FHOD3: variants seen among roughly 807,000 people sequenced by gnomAD.
FHOD3 encodes FH1/FH2 domain-containing protein 3.
Under a neutral mutation model 173.0 loss-of-function variants are expected in FHOD3, and 90 were observed. The observed-to-expected ratio is 0.52, with a 90% CI of 0.44 to 0.62. FHOD3 has a LOEUF of 0.62. Ranked by LOEUF, FHOD3 falls within the 20% of genes least tolerant of loss-of-function variation. The probability of loss-of-function intolerance (pLI) is 0.00; values close to 1 mark genes in which losing one functional copy is unlikely to be tolerated. For missense variants in FHOD3, 1,945 were observed against 2,034.7 expected (o/e 0.96, Z 0.85); for synonymous variants, 828 against 823.0 (o/e 1.01, Z -0.10).
chr18:36,312,816 C>A (rs888028825), intron 1 of FHOD3, among the ~76,000 whole-genome samples: 2 of 152,188 alleles, frequency 1.3e-5, no homozygotes, highest in Admixed American at 1.3e-4. Flanking sequence ...GAATAAATCA[C>A]CCCAAACGTA....
intron 4 of FHOD3, among the ~76,000 whole-genome samples, chr18:36,508,718 G>C (rs539970174): frequency 6.6e-6 from 1 of 151,680 alleles, no homozygotes; most frequent in African/African-American, 2.4e-5. Flanking sequence ...TTAAGTTTCA[G>C]TATCTCACAT....
chr18:36,321,612 G>A (rs1407424098), intron 1 of FHOD3, among the ~76,000 whole-genome samples: 1 of 152,202 alleles, frequency 6.6e-6, no homozygotes, highest in Non-Finnish European at 1.5e-5. Context: ...CCCACCAAAT[G>A]CCAGTCACTG....
At chr18:36,775,199 G>A (rs1364940849) in intron 28 of FHOD3, among the ~76,000 whole-genome samples, 1 of 151,998 alleles carries the variant, frequency 6.6e-6, no homozygotes, top group South Asian at 2.1e-4. Context: ...AAAATCTTTG[G>A]GATCTTTGGG....
chr18:36,745,761 C>T (rs1198363287), intron 23 of FHOD3, among the ~76,000 whole-genome samples: 1 of 149,896 alleles, frequency 6.7e-6, no homozygotes, highest in African/African-American at 2.5e-5. Context: ...CCCGCCACAC[C>T]CTCCATGCAC....
chr18:36,776,877 C>T (rs2043695907), intron 28 of FHOD3, among the ~76,000 whole-genome samples: 2 of 152,148 alleles, frequency 1.3e-5, no homozygotes, highest in Non-Finnish European at 2.9e-5. Context: ...GAGCCTGTCC[C>T]AGATAGGCTG....
intron 25 of FHOD3, among the ~76,000 whole-genome samples, 154 bp downstream of exon 25, chr18:36,755,465 G>A (rs948706772): frequency 4.8e-5 from 6 of 124,864 alleles, no homozygotes; most frequent in African/African-American, 1.8e-4. Context: ...TGCTCTTAAA[G>A]TACTCCTCCA....
At chr18:36,631,648 G>T (rs1358699223) in intron 10 of FHOD3, among the ~76,000 whole-genome samples, 2 of 152,172 alleles carry the variant, frequency 1.3e-5, no homozygotes, top group Admixed American at 6.5e-5. Flanking sequence ...TGTGTGACAG[G>T]AGGGGAAGCT....
At chr18:36,607,340 C>T (rs2032193927) in intron 8 of FHOD3, among the ~76,000 whole-genome samples, 1 of 152,176 alleles carries the variant, frequency 6.6e-6, no homozygotes, top group Admixed American at 6.5e-5. Context: ...GCCAAAAAAT[C>T]CTGCACCAGA....
chr18:36,431,982 T>C (rs1271559664), intron 3 of FHOD3, among the ~76,000 whole-genome samples: 1 of 152,214 alleles, frequency 6.6e-6, no homozygotes, highest in Non-Finnish European at 1.5e-5. Flanking sequence ...TTCCATCACA[T>C]AGATATAAAG....
At chr18:36,661,572 A>C (rs2036805547) in intron 14 of FHOD3, among the ~76,000 whole-genome samples, 1 of 152,100 alleles carries the variant, frequency 6.6e-6, no homozygotes, top group South Asian at 2.1e-4. Context: ...AAACAAGACT[A>C]CTTCACTGAA....
At chr18:36,590,065 G>A (rs772743414) in intron 6 of FHOD3, among the ~76,000 whole-genome samples, 50 of 152,026 alleles carry the variant, frequency 3.3e-4, no homozygotes, top group African/African-American at 6.5e-4. Flanking sequence ...CACTCGCCTC[G>A]TTTGTGACAC....
At chr18:36,556,091 C>T (rs1040798260) in intron 5 of FHOD3, among the ~76,000 whole-genome samples, 1 of 151,970 alleles carries the variant, frequency 6.6e-6, no homozygotes. Flanking sequence ...TGCTGTTTGT[C>T]TCATCTGTAC....
chr18:36,709,731 A>C, intron 18 of FHOD3: 1 of 260,442 alleles, frequency 3.8e-6, no homozygotes, highest in Non-Finnish European at 7.3e-6. Context: ...TTCCATTGTG[A>C]ATAATAGTAA....
chr18:36,491,588 A>C (rs563319177), intron 3 of FHOD3, among the ~76,000 whole-genome samples: 2 of 152,182 alleles, frequency 1.3e-5, no homozygotes, highest in East Asian at 3.9e-4. Flanking sequence ...CCCTCCTCCA[A>C]ACCCCAGGCA....
intron 3 of FHOD3, among the ~76,000 whole-genome samples, chr18:36,476,548 A>G (rs1599294305): frequency 6.6e-6 from 1 of 152,268 alleles, no homozygotes; most frequent in Non-Finnish European, 1.5e-5. Flanking sequence ...TTGGCCCCCC[A>G]TAGTCAGGAA....
chr18:36,748,943 A>AT (rs200595177), intron 24 of FHOD3, among the ~76,000 whole-genome samples: 1,569 of 145,502 alleles, frequency 0.011, 13 homozygotes, highest in Non-Finnish European at 0.014. Context: ...GATGGCTGTG[A>AT]TTTTTTTTTT....
rs775806072 is a variant in FHOD3 at position 36,747,090 on chromosome 18, A to G, written c.4187A>G (p.Glu1396Gly). The change falls in exon 24 of 29, where the codon GAG (glutamate) becomes GGG (glycine). Residue 1396 changes from glutamate (E) to glycine (G), a missense_variant. Coordinates refer to ENST00000590592, the MANE Select transcript of FHOD3 (RefSeq NM_001281740.3). ...TCAGAGTTCCTGAAAGACTGTGCAG[A>G]GCGAATTATAATTTTAAAGATTGTC... ...RMSEFLKDCA[E>G]RIIILKIVHR... 2.5e-6 allele frequency: 4 copies of G among 1,613,170 alleles called. No homozygotes were observed. The highest frequency in any genetic ancestry group is 2.5e-6 in the Non-Finnish European group (3 of 1,179,812).
At chr18:36,478,238 C>G (rs2053696543) in intron 3 of FHOD3, among the ~76,000 whole-genome samples, 1 of 152,060 alleles carries the variant, frequency 6.6e-6, no homozygotes, top group Non-Finnish European at 1.5e-5. Flanking sequence ...TAATCCAGGC[C>G]ATTGTCACAT....
At chr18:36,763,551 TATA>T (rs1397523945) in intron 27 of FHOD3, among the ~76,000 whole-genome samples, 7 of 140,288 alleles carry the variant, frequency 5.0e-5, no homozygotes, top group African/African-American at 1.1e-4. Flanking sequence ...ACACGTTATA[TATA>T]ATATGTGTAT....
Sources: gnomAD v4.1 joint callset for allele counts (sites outside exome capture counted in the v4.1 genomes callset) on GRCh38, gnomAD v4.1.1 for gene constraint, MANE v1.5 for transcripts, NCBI Gene and HGNC (gene_info 2026-07-23, HGNC 2026-07-21) for gene names.